The following RAB10 variants were observed in gnomAD, a reference collection of about 807,000 sequenced individuals.
RAB10 encodes ras-related protein Rab-10.
RAB10 carries 5 observed loss-of-function variants against 25.7 expected under a neutral mutation model. The ratio of observed to expected loss-of-function variants is 0.19; its 90% confidence interval spans 0.10 to 0.41. The LOEUF (loss-of-function observed/expected upper bound fraction) is 0.41. Ranked by LOEUF, RAB10 falls within the 10% of genes least tolerant of loss-of-function variation. The probability of loss-of-function intolerance (pLI) is 1.00; values close to 1 mark genes in which losing one functional copy is unlikely to be tolerated. For synonymous variants in RAB10, 89 were observed against 86.4 expected (o/e 1.03, Z -0.16); for missense variants, 103 against 245.8 (o/e 0.42, Z 3.89).
chr2:26,089,424 A>C (rs78075314), intron 1 of RAB10, among the ~76,000 whole-genome samples: 1 of 12,422 alleles, frequency 8.1e-5, no homozygotes, highest in African/African-American at 2.6e-4. Context: ...CTCTGTCTCA[A>C]AAAAAAAAAA....
intron 3 of RAB10, among the ~76,000 whole-genome samples, chr2:26,111,518 C>T (rs1036873348): frequency 2.0e-5 from 3 of 151,452 alleles, no homozygotes; most frequent in East Asian, 1.9e-4. Context: ...GCAGGAGAAT[C>T]GCTTGAACCC....
chr2:26,122,411 G>C (rs1009306074), intron 3 of RAB10, among the ~76,000 whole-genome samples: 1 of 152,138 alleles, frequency 6.6e-6, no homozygotes, highest in South Asian at 2.1e-4. Flanking sequence ...GGCAGATCAC[G>C]AGGTCAGGAG....
intron 1 of RAB10, among the ~76,000 whole-genome samples, chr2:26,045,105 A>G (rs1408707360): frequency 6.6e-6 from 1 of 151,928 alleles, no homozygotes; most frequent in Non-Finnish European, 1.5e-5. Context: ...ATAATAGAGA[A>G]GAGCCGATGA....
At chr2:26,057,773 G>T (rs1380873206) in intron 1 of RAB10, among the ~76,000 whole-genome samples, 1 of 152,084 alleles carries the variant, frequency 6.6e-6, no homozygotes, top group Non-Finnish European at 1.5e-5. Context: ...ACATGCAGGC[G>T]CAACCACACC....
At chr2:26,116,455 G>T (rs1667689414) in intron 3 of RAB10, among the ~76,000 whole-genome samples, 1 of 151,390 alleles carries the variant, frequency 6.6e-6, no homozygotes, top group African/African-American at 2.4e-5. Context: ...CAGGACTTGA[G>T]TATGCATGGA....
At chr2:26,081,910 A>G (rs1666876790) in intron 1 of RAB10, among the ~76,000 whole-genome samples, 1 of 152,200 alleles carries the variant, frequency 6.6e-6, no homozygotes, top group Admixed American at 6.5e-5. Context: ...AAAAGCTGAG[A>G]GAATTTTTTA....
intron 1 of RAB10, among the ~76,000 whole-genome samples, chr2:26,044,215 A>G (rs1291338121): frequency 6.6e-6 from 1 of 152,218 alleles, no homozygotes; most frequent in Non-Finnish European, 1.5e-5. Flanking sequence ...ACAAAACCCA[A>G]AAAACTAACA....
intron 1 of RAB10, among the ~76,000 whole-genome samples, chr2:26,071,852 G>T (rs1336423116): frequency 6.6e-6 from 1 of 152,102 alleles, no homozygotes; most frequent in Admixed American, 6.6e-5. Context: ...GGGTGACAGA[G>T]CAAGACTCAG....
chr2:26,097,503 C>T (rs1667247586), intron 1 of RAB10, among the ~76,000 whole-genome samples: 1 of 152,190 alleles, frequency 6.6e-6, no homozygotes, highest in Non-Finnish European at 1.5e-5. Context: ...GTCTCGAACT[C>T]CTGACCTCAG....
chr2:26,045,706 A>G (rs918414935), intron 1 of RAB10, among the ~76,000 whole-genome samples: 14 of 152,132 alleles, frequency 9.2e-5, no homozygotes, highest in African/African-American at 3.4e-4. Context: ...GTTTATTGAG[A>G]TGGTTAAGTC....
At chr2:26,132,426 A>G (rs1668028446) in intron 5 of RAB10, among the ~76,000 whole-genome samples, 1 of 151,984 alleles carries the variant, frequency 6.6e-6, no homozygotes, top group South Asian at 2.1e-4. Flanking sequence ...GCGAATTTTT[A>G]TATTTTTACT....
At chr2:26,113,319 A>G (rs958809723) in intron 3 of RAB10, among the ~76,000 whole-genome samples, 10 of 152,126 alleles carry the variant, frequency 6.6e-5, no homozygotes, top group Middle Eastern at 3.4e-3. Flanking sequence ...ACACCCGTAA[A>G]TCCCAGCACT....
intron 1 of RAB10, among the ~76,000 whole-genome samples, chr2:26,040,878 A>G (rs1665868607): frequency 1.3e-5 from 2 of 152,158 alleles, no homozygotes; most frequent in South Asian, 2.1e-4. Flanking sequence ...TATATTTTCA[A>G]TTCTCATACA....
intron 1 of RAB10, among the ~76,000 whole-genome samples, chr2:26,082,228 CTTATA>C (rs1258604807): frequency 1.3e-5 from 2 of 151,982 alleles, no homozygotes; most frequent in African/African-American, 2.4e-5. Context: ...CTGTAAGGTT[CTTATA>C]TTATGTTAAA....
intron 5 of RAB10, among the ~76,000 whole-genome samples, chr2:26,131,213 G>A (rs1559601064): frequency 6.6e-6 from 1 of 152,054 alleles, no homozygotes; most frequent in Admixed American, 6.6e-5. Context: ...CCACAGTGGA[G>A]AAGAAGAATT....
At chr2:26,075,143 A>G (rs1457385177) in intron 1 of RAB10, among the ~76,000 whole-genome samples, 1 of 152,194 alleles carries the variant, frequency 6.6e-6, no homozygotes, top group Non-Finnish European at 1.5e-5. Flanking sequence ...AGAGCAAAAT[A>G]CAAAAGATGC....
intron 1 of RAB10, among the ~76,000 whole-genome samples, chr2:26,051,365 C>T (rs1232984174): frequency 4.7e-4 from 13 of 27,842 alleles, no homozygotes; most frequent in African/African-American, 1.4e-3. Context: ...TTTTTGCCCC[C>T]CCCCCCCCCC....
intron 1 of RAB10, among the ~76,000 whole-genome samples, chr2:26,074,707 C>G (rs1041968714): frequency 1.3e-5 from 2 of 152,262 alleles, no homozygotes; most frequent in Admixed American, 6.5e-5. Context: ...GCGTGAGCCA[C>G]TGCACCTGGC....
At chr2:26,071,881 A>G (rs1238321990) in intron 1 of RAB10, among the ~76,000 whole-genome samples, 3 of 152,128 alleles carry the variant, frequency 2.0e-5, no homozygotes, top group Non-Finnish European at 4.4e-5. Context: ...AAAAATAAAT[A>G]AATAAAATAT....
Sources: gnomAD v4.1 joint callset for allele counts (sites outside exome capture counted in the v4.1 genomes callset) on GRCh38, gnomAD v4.1.1 for gene constraint, MANE v1.5 for transcripts, NCBI Gene and HGNC (gene_info 2026-07-23, HGNC 2026-07-21) for gene names.